IPCEF1: variants seen among roughly 807,000 people sequenced by gnomAD.
IPCEF1 encodes the protein interactor protein for cytohesin exchange factors 1.
Under a neutral mutation model 50.9 loss-of-function variants are expected in IPCEF1, and 31 were observed. The observed-to-expected ratio is 0.61, with a 90% confidence interval of 0.46 to 0.82. The LOEUF is 0.82. Ranked by LOEUF, IPCEF1 falls within the 40% of genes least tolerant of loss-of-function variation. The pLI is 0.00. For synonymous variants in IPCEF1, 181 were observed against 192.0 expected (o/e 0.94, Z 0.47); for missense variants, 458 against 514.0 (o/e 0.89, Z 1.05).
chr6:154,212,441 TC>T (rs1367681738), intron 9 of IPCEF1, among the ~76,000 whole-genome samples: 2 of 152,196 alleles, frequency 1.3e-5, no homozygotes, highest in South Asian at 2.1e-4. Context: ...TTTAAATTCT[TC>T]CTGAGAAAAA....
At chr6:154,232,725 C>T (rs1281203704) in intron 5 of IPCEF1, among the ~76,000 whole-genome samples, 6 of 151,984 alleles carry the variant, frequency 3.9e-5, no homozygotes, top group Non-Finnish European at 8.8e-5. Flanking sequence ...CTCTGACATC[C>T]GAGGCAGAGT....
At chr6:154,254,720 A>T (rs1328387755) in intron 3 of IPCEF1, among the ~76,000 whole-genome samples, 2 of 151,910 alleles carry the variant, frequency 1.3e-5, no homozygotes, top group African/African-American at 4.8e-5. Context: ...TTATTTTCAA[A>T]CTTTCTGTGT....
chr6:154,177,337 C>G (rs1007438559), intron 10 of IPCEF1, among the ~76,000 whole-genome samples: 2 of 152,170 alleles, frequency 1.3e-5, no homozygotes, highest in African/African-American at 4.8e-5. Context: ...AAACTATCAT[C>G]AAAGTGAACA....
intron 5 of IPCEF1, among the ~76,000 whole-genome samples, chr6:154,226,461 A>T (rs1020658781): frequency 8.6e-5 from 13 of 152,012 alleles, no homozygotes; most frequent in African/African-American, 3.1e-4. Flanking sequence ...CCAAAACAGG[A>T]CATGTGAGAG....
chr6:154,200,781 C>T (rs1400754458), intron 9 of IPCEF1, among the ~76,000 whole-genome samples: 2 of 152,076 alleles, frequency 1.3e-5, no homozygotes, highest in African/African-American at 4.8e-5. Flanking sequence ...GAACTTAAAC[C>T]CTTGAATATC....
At chr6:154,353,065 C>T (rs1562299729) in intron 1 of IPCEF1, among the ~76,000 whole-genome samples, 1 of 152,132 alleles carries the variant, frequency 6.6e-6, no homozygotes, top group Admixed American at 6.6e-5. Flanking sequence ...AGTGGGACCA[C>T]GTTTCCTTTT....
At chr6:154,217,945 C>T (rs1329451487) in intron 7 of IPCEF1, among the ~76,000 whole-genome samples, 5 of 152,196 alleles carry the variant, frequency 3.3e-5, no homozygotes, top group Admixed American at 3.3e-4. Flanking sequence ...GAAAATATTT[C>T]TCTCAGCCCT....
chr6:154,333,146 C>T (rs926455145), intron 1 of IPCEF1, among the ~76,000 whole-genome samples: 23 of 152,212 alleles, frequency 1.5e-4, no homozygotes, highest in African/African-American at 4.8e-4. Flanking sequence ...TTCAAACAAG[C>T]CAATTCATTT....
At chr6:154,331,405 AAG>A (rs796267175) in intron 1 of IPCEF1, among the ~76,000 whole-genome samples, 579 of 93,008 alleles carry the variant, frequency 6.2e-3, no homozygotes, top group Non-Finnish European at 0.01. Flanking sequence ...GAAAGAAAGA[AAG>A]AGAGAGAAAA....
chr6:154,333,559 C>CAT (rs113454682), intron 1 of IPCEF1, among the ~76,000 whole-genome samples: 5,583 of 150,550 alleles, frequency 0.037, 136 homozygotes, highest in African/African-American at 0.061. Flanking sequence ...TTTATATATA[C>CAT]ATATATATAT....
intron 1 of IPCEF1, among the ~76,000 whole-genome samples, chr6:154,350,714 A>T (rs1784106166): frequency 6.6e-6 from 1 of 152,080 alleles, no homozygotes; most frequent in Non-Finnish European, 1.5e-5. Flanking sequence ...CATCAACGCA[A>T]TTGGTTAGTT....
At chr6:154,255,362 G>A (rs575166509) in intron 3 of IPCEF1, among the ~76,000 whole-genome samples, 28 of 152,190 alleles carry the variant, frequency 1.8e-4, no homozygotes, top group African/African-American at 6.3e-4. Flanking sequence ...TGACTATTTT[G>A]ATCATTGGTC....
At chr6:154,302,452 C>A (rs1348858269) in intron 1 of IPCEF1, among the ~76,000 whole-genome samples, 1 of 152,134 alleles carries the variant, frequency 6.6e-6, no homozygotes, top group Non-Finnish European at 1.5e-5. Context: ...AACTATTATT[C>A]TCTCCAAGTC....
Position 154,159,342 on chromosome 6 carries a change from C to A in IPCEF1, c.*486G>T. 1 of 162,450 alleles carries A rather than the reference C, an allele frequency of 6.2e-6. No individual in the cohort carries two copies. The allele number at this position is 162,450 out of a possible 1,614,324, so 10.1% of individuals were successfully genotyped here. A position where few individuals can be genotyped will look rare whatever the true frequency, so the allele number is the denominator to read the frequency against. On this transcript the variant is annotated 3_prime_UTR_variant, in exon 12 of 12. Coordinates refer to ENST00000367220, the MANE Select transcript of IPCEF1 (RefSeq NM_001130700.2). ...GCAAGGAATTTTTGTTCTGCAACAC[C>A]ACGTTTGTCCTTCCAGTCACTGCTC...
intron 10 of IPCEF1, among the ~76,000 whole-genome samples, chr6:154,183,222 G>T (rs1331799622): frequency 6.6e-6 from 1 of 151,956 alleles, no homozygotes; most frequent in Non-Finnish European, 1.5e-5. Context: ...CTCGTGATCT[G>T]CCCATCTTGG....
chr6:154,237,786 A>G (rs1780250471), intron 5 of IPCEF1, among the ~76,000 whole-genome samples: 2 of 152,166 alleles, frequency 1.3e-5, no homozygotes, highest in Non-Finnish European at 2.9e-5. Flanking sequence ...AATTATATAC[A>G]CACACATATA....
At chr6:154,325,990 C>G (rs1395981290) in intron 1 of IPCEF1, among the ~76,000 whole-genome samples, 1 of 152,024 alleles carries the variant, frequency 6.6e-6, no homozygotes, top group African/African-American at 2.4e-5. Context: ...TTTTGGGAGG[C>G]CGAGGCAGGT....
At chr6:154,340,543 C>T (rs1394289671) in intron 1 of IPCEF1, among the ~76,000 whole-genome samples, 1 of 151,924 alleles carries the variant, frequency 6.6e-6, no homozygotes, top group Non-Finnish European at 1.5e-5. Flanking sequence ...TGAGCCACTG[C>T]GCCCAGCCAG....
At chr6:154,297,664 G>A (rs1427036837) in intron 1 of IPCEF1, among the ~76,000 whole-genome samples, 2 of 152,206 alleles carry the variant, frequency 1.3e-5, no homozygotes, top group Non-Finnish European at 2.9e-5. Flanking sequence ...CAGGTCCACA[G>A]GTACCCACTG....
Sources: gnomAD v4.1 joint callset for allele counts (sites outside exome capture counted in the v4.1 genomes callset) on GRCh38, gnomAD v4.1.1 for gene constraint, MANE v1.5 for transcripts, NCBI Gene and HGNC (gene_info 2026-07-23, HGNC 2026-07-21) for gene names.